The following MEGF6 variants were observed in gnomAD, a reference collection of about 807,000 sequenced individuals.
The protein encoded by MEGF6 is multiple epidermal growth factor-like domains protein 6.
Under a neutral mutation model 207.1 loss-of-function variants are expected in MEGF6, and 184 were observed. The observed-to-expected ratio is 0.89, with a 90% CI of 0.79 to 1.00. The LOEUF is 1.00. Ranked by LOEUF, MEGF6 falls within the 50% of genes least tolerant of loss-of-function variation. The probability of loss-of-function intolerance (pLI) is 0.00; values close to 1 mark genes in which losing one functional copy is unlikely to be tolerated. For missense variants in MEGF6, 2,282 were observed against 2,202.9 expected, an observed-to-expected ratio of 1.04 and a Z score of -0.72; for synonymous variants, 1,038 against 910.0, an observed-to-expected ratio of 1.14 and a Z score of -2.53.
intron 5 of MEGF6, 92 bp from the exon 6 acceptor site, chr1:3,515,619 C>T: frequency 3.4e-6 from 5 of 1,487,988 alleles, no homozygotes; most frequent in Non-Finnish European, 4.6e-6. Context: ...GTGGCATGGC[C>T]ACTTCTTCCT....
intron 26 of MEGF6, 22 bp from the exon 27 acceptor site, chr1:3,497,383 G>A (rs375396501): frequency 1.8e-4 from 279 of 1,515,622 alleles, no homozygotes; most frequent in Middle Eastern, 1.3e-3. Flanking sequence ...TGAGGGCTGC[G>A]GAGGCTTCTA....
rs1022792928 is a variant in MEGF6 at position 3,499,929 on chromosome 1, G to A, written c.2708-5C>T. 1.9e-6 allele frequency: 3 copies of A among 1,558,354 alleles called. No individual in the cohort carries two copies. The highest frequency in any genetic ancestry group is 2.6e-6 in the Non-Finnish European group (3 of 1,152,510). ...CAAAGTGGCCCTGGGGACACTCTGAGATATGCAGCCCCGGCCCACAGTCAG... is the reference window on the plus strand; with the variant it reads ...CAAAGTGGCCCTGGGGACACTCTGAAATATGCAGCCCCGGCCCACAGTCAG... On this transcript the variant is annotated splice_region_variant and splice_polypyrimidine_tract_variant and intron_variant, in intron 21 of 36. Coordinates refer to ENST00000356575, the MANE Select transcript of MEGF6 (RefSeq NM_001409.4).
rs921871579 is a variant in MEGF6 at position 3,570,886 on chromosome 1, C to G, written c.481+8939G>C. Reference sequence around the variant, plus strand: ...CTCAGCCCTCCCTCCAGCCATCCCCCGGGGCCACCCAGTCTCTCCCCTCCA... The same window carrying G: ...CTCAGCCCTCCCTCCAGCCATCCCCGGGGGCCACCCAGTCTCTCCCCTCCA... On this transcript the variant is annotated intron_variant, in intron 4 of 36. Coordinates refer to ENST00000356575, the MANE Select transcript of MEGF6 (RefSeq NM_001409.4). 2.0e-5 allele frequency among the ~76,000 whole-genome samples: 3 copies of G among 152,270 alleles called. No homozygotes were observed. In the East Asian group the frequency reaches 5.8e-4, roughly 30 times the overall value.
At chr1:3,540,738 CACTCCCTCCGA>C in intron 4 of MEGF6, among the ~76,000 whole-genome samples, 1 of 152,182 alleles carries the variant, frequency 6.6e-6, no homozygotes, top group East Asian at 1.9e-4. Flanking sequence ...GAAAGGGAAC[CACTCCCTCCGA>C]TCTTTTCTGG....
At chr1:3,495,730 T>C (rs1055657797) in intron 30 of MEGF6, among the ~76,000 whole-genome samples, 160 bp downstream of exon 30, 1 of 152,158 alleles carries the variant, frequency 6.6e-6, no homozygotes, top group Non-Finnish European at 1.5e-5. Context: ...CAACACAAGC[T>C]ACAGCACTCT....
chr1:3,556,954 G>T lies in MEGF6; in HGVS notation c.481+22871C>A, dbSNP rs1298974547. Among the ~76,000 whole-genome samples the T allele has an allele frequency of 6.6e-6, 1 of 152,220 alleles. No homozygotes were observed. Among genetic ancestry groups the T allele is most frequent in the African/African-American group, 2.4e-5 (1 of 41,452 alleles). Reference sequence around the variant, plus strand: ...GGAAGCCGATCCCGGCTTATCTGGGGGGCCTGGTGGAATCACATGGAGTTT... The same window carrying T: ...GGAAGCCGATCCCGGCTTATCTGGGTGGCCTGGTGGAATCACATGGAGTTT... On this transcript the variant is annotated intron_variant, in intron 4 of 36. Coordinates refer to ENST00000356575, the MANE Select transcript of MEGF6 (RefSeq NM_001409.4). This position sits in a 1 kb window ranked among gnomAD's most constrained non-coding sequence, Gnocchi z 4.4.
intron 20 of MEGF6, 93 bp downstream of exon 20, chr1:3,500,872 AG>A (rs1384040438): frequency 2.5e-6 from 4 of 1,596,946 alleles, no homozygotes; most frequent in Non-Finnish European, 3.4e-6. Context: ...GCCTCCTGCA[AG>A]CCCCTAGTCC....
In MEGF6 at chr1:3,511,620, G is replaced by T. The variant is rs1205271453; in HGVS notation, c.1044C>A (p.His348Gln). 6.2e-7 allele frequency: 1 copy of T among 1,612,438 alleles called. No individual in the cohort carries two copies. Among genetic ancestry groups the T allele is most frequent in the Admixed American group, 1.7e-5 (1 of 60,004 alleles). Residue 348 changes from histidine (H) to glutamine (Q), a missense_variant, in exon 9 of 37, where the codon CAC becomes CAA. Transcript: ENST00000356575. ...NNGGCSHGCS[H>Q]TSAGPLCTCP... ...ATGTGCACAGGGGCCCAGCACTGGT[G>T]TGGCTGCAGCCATGGGAGCAGCCGC...
intron 4 of MEGF6, among the ~76,000 whole-genome samples, chr1:3,572,899 G>A (rs1643547445): frequency 6.9e-6 from 1 of 145,778 alleles, no homozygotes; most frequent in Non-Finnish European, 1.5e-5. Flanking sequence ...TGGGTGTGCT[G>A]GGTTCTCCTG....
intron 4 of MEGF6, among the ~76,000 whole-genome samples, chr1:3,567,694 G>A (rs947355): frequency 0.061 from 9,226 of 152,260 alleles, 371 homozygotes; most frequent in African/African-American, 0.11. Flanking sequence ...GACCCAGAGC[G>A]TCACCCTGCA....
chr1:3,544,904 G>T (rs924983320), intron 4 of MEGF6, among the ~76,000 whole-genome samples: 3 of 152,230 alleles, frequency 2.0e-5, no homozygotes, highest in African/African-American at 7.2e-5. Context: ...ACTCAGGGCT[G>T]GGTCCAGGCT....
the MEGF6 span, among the ~76,000 whole-genome samples, chr1:3,622,575 C>G: frequency 6.6e-6 from 1 of 152,202 alleles, no homozygotes; most frequent in African/African-American, 2.4e-5. Flanking sequence ...CCTAATCCAA[C>G]AGGGATGTTG....
intron 4 of MEGF6, among the ~76,000 whole-genome samples, chr1:3,539,876 T>C (rs1360228700): frequency 6.6e-6 from 1 of 152,144 alleles, no homozygotes; most frequent in Non-Finnish European, 1.5e-5. Flanking sequence ...TGTGAAGGTG[T>C]CCACTGAGCC....
At chr1:3,500,889 G>T in intron 20 of MEGF6, 77 bp downstream of exon 20, 1 of 1,603,546 alleles carries the variant, frequency 6.2e-7, no homozygotes, top group Non-Finnish European at 8.5e-7. Flanking sequence ...AGTCCTCGGG[G>T]GCCCTGGGCA....
intron 11 of MEGF6, among the ~76,000 whole-genome samples, chr1:3,509,592 C>T (rs951695103): frequency 1.3e-5 from 2 of 152,178 alleles, no homozygotes; most frequent in Non-Finnish European, 2.9e-5. Context: ...CCTTCTCTCA[C>T]GTGGTCAGGA....
intron 2 of MEGF6, among the ~76,000 whole-genome samples, chr1:3,599,340 C>A (rs1193307077): frequency 6.6e-6 from 1 of 152,242 alleles, no homozygotes; most frequent in Non-Finnish European, 1.5e-5. Flanking sequence ...CTGCACCAGG[C>A]AAGCCAGGGT....
intron 4 of MEGF6, among the ~76,000 whole-genome samples, chr1:3,555,479 T>C (rs1643007374): frequency 1.3e-5 from 2 of 152,196 alleles, no homozygotes; most frequent in South Asian, 2.1e-4. Context: ...AGGCGACTCC[T>C]GTAAGCACTG....
chr1:3,508,514 C>T, intron 13 of MEGF6, 44 bp downstream of exon 13: 1 of 1,593,642 alleles, frequency 6.3e-7, no homozygotes, highest in Non-Finnish European at 8.6e-7. Flanking sequence ...TCTTGGGGCT[C>T]AGAGGCCCCT....
intron 5 of MEGF6, among the ~76,000 whole-genome samples, chr1:3,515,805 A>G (rs925568793): frequency 7.9e-5 from 12 of 152,190 alleles, no homozygotes; most frequent in African/African-American, 2.4e-4. Flanking sequence ...AGGGCTGGAC[A>G]CAGAAGGGGA....
Sources: gnomAD v4.1 joint callset for allele counts (sites outside exome capture counted in the v4.1 genomes callset) on GRCh38, gnomAD v4.1.1 for gene constraint, Gnocchi (gnomAD v3.1) non-coding constraint, MANE v1.5 for transcripts, NCBI Gene and HGNC (gene_info 2026-07-23, HGNC 2026-07-21) for gene names.